PIK3C2A: variants seen among roughly 807,000 people sequenced by gnomAD.
The protein encoded by PIK3C2A is phosphatidylinositol-4-phosphate 3-kinase catalytic subunit type 2 alpha, also known as phosphatidylinositol 4-phosphate 3-kinase C2 domain-containing subunit alpha.
A neutral mutation model predicts 204.5 loss-of-function variants in PIK3C2A; 97 were observed. The observed-to-expected ratio is 0.47, with a 90% CI of 0.40 to 0.56. The LOEUF (loss-of-function observed/expected upper bound fraction) is 0.56, where lower values mean the gene tolerates loss of function less well. Among genes scored for constraint, PIK3C2A ranks in the 20% least tolerant of loss-of-function variants. The pLI is 0.00. For synonymous variants in PIK3C2A, 653 were observed against 664.4 expected (o/e 0.98, Z 0.26); for missense variants, 1,735 against 1,969.2 (o/e 0.88, Z 2.25).
At chr11:17,201,161 G>A (rs547224875) in intron 1 of PIK3C2A, among the ~76,000 whole-genome samples, 1 of 151,952 alleles carries the variant, frequency 6.6e-6, no homozygotes, top group Non-Finnish European at 1.5e-5. Flanking sequence ...AGCCAAGATC[G>A]TGCCACTGCA....
intron 2 of PIK3C2A, among the ~76,000 whole-genome samples, chr11:17,162,484 T>A (rs2137467412): frequency 6.6e-6 from 1 of 152,358 alleles, no homozygotes; most frequent in African/African-American, 2.4e-5. Context: ...CATTTTAAGT[T>A]CAGCCTAACA....
chr11:17,204,013 G>A (rs1433639092), intron 1 of PIK3C2A, among the ~76,000 whole-genome samples: 6 of 152,074 alleles, frequency 3.9e-5, no homozygotes, highest in African/African-American at 1.4e-4. Flanking sequence ...GGCGGAGCTT[G>A]CAGTGAGCGG....
intron 13 of PIK3C2A, among the ~76,000 whole-genome samples, chr11:17,125,607 C>T (rs1241555452): frequency 3.9e-5 from 6 of 152,048 alleles, no homozygotes; most frequent in East Asian, 3.9e-4. Context: ...CTCCACCTCC[C>T]GGGTTCAAGC....
intron 8 of PIK3C2A, among the ~76,000 whole-genome samples, chr11:17,138,993 C>T (rs543241024): frequency 3.9e-5 from 6 of 152,104 alleles, no homozygotes; most frequent in East Asian, 3.9e-4. Context: ...CTGCAACCTC[C>T]GCCTCCCAGG....
rs545453659 is a variant in PIK3C2A, at chr11:17,087,759, A to G, written c.*1979T>C. 6.6e-6 allele frequency: 1 copy of G among 152,358 alleles called. No homozygotes were observed. Among genetic ancestry groups the G allele is most frequent in the South Asian group, 2.1e-4 (1 of 4,830 alleles). 9.4% of individuals were successfully genotyped at this position (152,358 alleles called of 1,614,324 possible). A position where few individuals can be genotyped will look rare whatever the true frequency, so the allele number is the denominator to read the frequency against. ...GCAAAGGTACTTACATACTTTAAGGAAATGTTAATGATCTGTGGAAAAAGC... is the reference window on the plus strand; with the variant it reads ...GCAAAGGTACTTACATACTTTAAGGGAATGTTAATGATCTGTGGAAAAAGC... On this transcript the variant is annotated 3_prime_UTR_variant, in exon 33 of 33. Transcript: ENST00000691414.
intron 1 of PIK3C2A, among the ~76,000 whole-genome samples, chr11:17,172,185 G>A (rs1480611228): frequency 6.6e-6 from 1 of 152,182 alleles, no homozygotes; most frequent in Admixed American, 6.5e-5. Context: ...TCATAAAGAG[G>A]AGGGATCTAT....
chr11:17,119,992 T>G lies in PIK3C2A; in HGVS notation c.2658-18A>C. ...TAGAAAGTCTGCATATATAATAGAA[T>G]TAAATTACTTCTCAGTGATAACATA... On this transcript the variant is annotated intron_variant, in intron 15 of 32. Coordinates refer to ENST00000691414, the MANE Select transcript of PIK3C2A (RefSeq NM_002645.4). The G allele has an allele frequency of 9.1e-7, 1 of 1,094,854 alleles. No individual in the cohort carries two copies. Among genetic ancestry groups the G allele is most frequent in the Non-Finnish European group, 1.3e-6 (1 of 754,260 alleles). 67.8% of individuals were successfully genotyped at this position (1,094,854 alleles called of 1,614,324 possible). A position where few individuals can be genotyped will look rare whatever the true frequency, so the allele number is the denominator to read the frequency against.
chr11:17,101,154 T>A, intron 25 of PIK3C2A, 124 bp downstream of exon 25: 3 of 545,462 alleles, frequency 5.5e-6, no homozygotes, highest in Non-Finnish European at 9.6e-6. Flanking sequence ...ATCTGAGCAA[T>A]AATGTATCTG....
At chr11:17,200,150 C>T (rs1340035861) in intron 1 of PIK3C2A, among the ~76,000 whole-genome samples, 1 of 151,710 alleles carries the variant, frequency 6.6e-6, no homozygotes, top group African/African-American at 2.4e-5. Context: ...CGCGCCACTG[C>T]ACTCCAGCCT....
At chr11:17,137,432 T>TTTTTTTTTTTTTA (rs1849910512) in intron 8 of PIK3C2A, among the ~76,000 whole-genome samples, 1 of 150,318 alleles carries the variant, frequency 6.7e-6, no homozygotes, top group Non-Finnish European at 1.5e-5. Context: ...CCTTTTTTTT[T>TTTTTTTTTTTTTA]GAGACGGACT....
At chr11:17,206,668 C>G (rs969919583) in intron 1 of PIK3C2A, among the ~76,000 whole-genome samples, 7 of 151,920 alleles carry the variant, frequency 4.6e-5, no homozygotes, top group African/African-American at 1.7e-4. Context: ...AACCACAAGC[C>G]AAGGAGGCAA....
At chr11:17,094,041 A>G (rs1487841109) in intron 28 of PIK3C2A, among the ~76,000 whole-genome samples, 1 of 152,230 alleles carries the variant, frequency 6.6e-6, no homozygotes, top group African/African-American at 2.4e-5. Flanking sequence ...TAGAAGTCTG[A>G]AAATCTCATA....
chr11:17,137,438 G>A (rs1171346194), intron 8 of PIK3C2A, among the ~76,000 whole-genome samples: 2 of 3,444 alleles, frequency 5.8e-4, no homozygotes, highest in Non-Finnish European at 3.8e-3. Flanking sequence ...TTTTTGAGAC[G>A]GACTCTCATT....
chr11:17,093,556 G>A (rs768206211), intron 28 of PIK3C2A, among the ~76,000 whole-genome samples: 15 of 150,106 alleles, frequency 1.0e-4, no homozygotes, highest in East Asian at 2.0e-4. Context: ...GAGCCACCGC[G>A]CCCGGCCATG....
chr11:17,112,453 A>AAAAT (rs780672558), intron 21 of PIK3C2A, 121 bp downstream of exon 21: 11 of 442,246 alleles, frequency 2.5e-5, no homozygotes, highest in Admixed American at 4.1e-5. Context: ...ACCCTGTGTA[A>AAAAT]AAATAAATAA....
At chr11:17,124,717 T>C (rs1849468336) in intron 13 of PIK3C2A, among the ~76,000 whole-genome samples, 1 of 152,382 alleles carries the variant, frequency 6.6e-6, no homozygotes, top group South Asian at 2.1e-4. Flanking sequence ...TGACAGAGTC[T>C]ATATGGTCTG....
At chr11:17,130,454 G>GT (rs1336898770) in intron 12 of PIK3C2A, among the ~76,000 whole-genome samples, 1 of 152,140 alleles carries the variant, frequency 6.6e-6, no homozygotes, top group Non-Finnish European at 1.5e-5. Flanking sequence ...GGAACGAATA[G>GT]TAAAAAGTTC....
At chr11:17,159,293 C>T (rs964028426) in intron 2 of PIK3C2A, among the ~76,000 whole-genome samples, 3 of 152,214 alleles carry the variant, frequency 2.0e-5, no homozygotes, top group Admixed American at 2.0e-4. Flanking sequence ...AATCCTCACA[C>T]TGTATAACCA....
intron 4 of PIK3C2A, among the ~76,000 whole-genome samples, chr11:17,149,728 C>A (rs1212926362): frequency 3.3e-5 from 5 of 151,940 alleles, no homozygotes; most frequent in African/African-American, 9.7e-5. Flanking sequence ...ACAACAACAA[C>A]AACAAAAAAA....
Sources: allele counts gnomAD v4.1 joint callset (sites outside exome capture counted in the v4.1 genomes callset), GRCh38; gene constraint gnomAD v4.1.1; transcripts MANE v1.5; gene names NCBI Gene and HGNC (gene_info 2026-07-23, HGNC 2026-07-21).